Variants in SPATA17 observed in about 807,000 individuals in gnomAD.
SPATA17 encodes spermatogenesis associated 17.
In SPATA17, 53 loss-of-function variants were observed where a neutral mutation model predicts 62.2. The ratio of observed to expected loss-of-function variants is 0.85; its 90% CI spans 0.68 to 1.07. SPATA17 has a LOEUF of 1.07. Ranked by LOEUF, SPATA17 falls within the 50% of genes least tolerant of loss-of-function variation. SPATA17 has a pLI of 0.00. For synonymous variants in SPATA17, 146 were observed against 146.8 expected (o/e 0.99, Z 0.04); for missense variants, 466 against 425.5 (o/e 1.10, Z -0.84).
chr1:217,843,908 T>G (rs1263679270), intron 9 of SPATA17, among the ~76,000 whole-genome samples: 2 of 152,152 alleles, frequency 1.3e-5, no homozygotes, highest in Non-Finnish European at 2.9e-5. Context: ...ACACTGTGTA[T>G]AGCACTGTGA....
intron 5 of SPATA17, among the ~76,000 whole-genome samples, chr1:217,732,659 A>T (rs1672426407): frequency 6.6e-6 from 1 of 152,140 alleles, no homozygotes. Flanking sequence ...GCTGTGTCTC[A>T]AAGTCACAAT....
intron 9 of SPATA17, among the ~76,000 whole-genome samples, chr1:217,804,677 A>G (rs1214563453): frequency 6.6e-6 from 1 of 152,226 alleles, no homozygotes; most frequent in Non-Finnish European, 1.5e-5. Flanking sequence ...TAAGGAACTC[A>G]TACAACTCAA....
chr1:217,679,283 A>G (rs1201130793), intron 4 of SPATA17, among the ~76,000 whole-genome samples: 2 of 152,166 alleles, frequency 1.3e-5, no homozygotes, highest in Non-Finnish European at 2.9e-5. Flanking sequence ...CTGGGTTTGT[A>G]TCCTGACTTT....
At chr1:217,641,260 T>C (rs1403730005) in intron 1 of SPATA17, among the ~76,000 whole-genome samples, 1 of 152,068 alleles carries the variant, frequency 6.6e-6, no homozygotes, top group Admixed American at 6.6e-5. Flanking sequence ...CAAATGAGAT[T>C]AACAAGACAA....
chr1:217,666,266 A>G (rs1485107248), intron 3 of SPATA17, among the ~76,000 whole-genome samples: 1 of 152,166 alleles, frequency 6.6e-6, no homozygotes, highest in Non-Finnish European at 1.5e-5. Context: ...CCGTAGGTAC[A>G]ATATGCTTTC....
chr1:217,737,453 C>A (rs1404068863), intron 5 of SPATA17, among the ~76,000 whole-genome samples: 1 of 152,112 alleles, frequency 6.6e-6, no homozygotes. Flanking sequence ...GGAGCAACAT[C>A]TTTAAGGGAA....
At chr1:217,679,059 T>G (rs1671017249) in intron 4 of SPATA17, among the ~76,000 whole-genome samples, 2 of 152,174 alleles carry the variant, frequency 1.3e-5, no homozygotes, top group South Asian at 4.1e-4. Context: ...AGGCAAAATT[T>G]AAGACGTCAT....
chr1:217,845,309 A>G (rs1166088680), intron 9 of SPATA17, among the ~76,000 whole-genome samples: 1 of 151,920 alleles, frequency 6.6e-6, no homozygotes, highest in African/African-American at 2.4e-5. Context: ...TGCATTCACT[A>G]TTTGCCAACA....
At chr1:217,714,721 A>G (rs937956081) in intron 5 of SPATA17, among the ~76,000 whole-genome samples, 1 of 151,888 alleles carries the variant, frequency 6.6e-6, no homozygotes, top group Non-Finnish European at 1.5e-5. Context: ...TCCTGACCTC[A>G]TGATCCGCCC....
At chr1:217,848,485 A>T (rs1253842587) in intron 9 of SPATA17, among the ~76,000 whole-genome samples, 1 of 152,098 alleles carries the variant, frequency 6.6e-6, no homozygotes, top group Non-Finnish European at 1.5e-5. Context: ...TAAATGTTCC[A>T]TGATGATGTT....
intron 5 of SPATA17, among the ~76,000 whole-genome samples, chr1:217,733,559 G>T (rs1672445167): frequency 6.6e-6 from 1 of 152,012 alleles, no homozygotes; most frequent in African/African-American, 2.4e-5. Flanking sequence ...TAAATTATCA[G>T]CTATTTTGTT....
chr1:217,763,885 G>A (rs1468528311), intron 6 of SPATA17, among the ~76,000 whole-genome samples: 3 of 152,108 alleles, frequency 2.0e-5, no homozygotes, highest in African/African-American at 7.2e-5. Context: ...GGAGCTGGTG[G>A]TGCCATTTAC....
chr1:217,686,668 A>G (rs1251052844), intron 5 of SPATA17, among the ~76,000 whole-genome samples: 1 of 152,248 alleles, frequency 6.6e-6, no homozygotes, highest in Non-Finnish European at 1.5e-5. Flanking sequence ...AAAAGAAACT[A>G]AATAAAAAGT....
At chr1:217,660,788 T>C (rs148994393) in intron 3 of SPATA17, among the ~76,000 whole-genome samples, 33 of 152,324 alleles carry the variant, frequency 2.2e-4, no homozygotes, top group African/African-American at 6.7e-4. Context: ...GAGTAAGAAA[T>C]AAACTTTTGT....
intron 9 of SPATA17, among the ~76,000 whole-genome samples, chr1:217,813,769 T>G (rs72728888): frequency 0.072 from 11,013 of 151,998 alleles, 450 homozygotes; most frequent in East Asian, 0.14. Flanking sequence ...AAGTATAAAT[T>G]TACATGAATT....
intron 6 of SPATA17, among the ~76,000 whole-genome samples, chr1:217,743,676 C>T (rs952679249): frequency 6.6e-6 from 1 of 151,890 alleles, no homozygotes; most frequent in South Asian, 2.1e-4. Flanking sequence ...GTGGCGTGAT[C>T]TTGGCTCACT....
chr1:217,861,971 G>A (rs1427351354), intron 9 of SPATA17, among the ~76,000 whole-genome samples: 1 of 151,596 alleles, frequency 6.6e-6, no homozygotes, highest in Non-Finnish European at 1.5e-5. Context: ...ATGTCCACAT[G>A]TTCTTTAATA....
At chr1:217,732,408 A>C (rs1672421289) in intron 5 of SPATA17, among the ~76,000 whole-genome samples, 2 of 152,190 alleles carry the variant, frequency 1.3e-5, no homozygotes, top group Admixed American at 1.3e-4. Context: ...TTTGCTTTAA[A>C]GTGAGGTTAA....
intron 6 of SPATA17, among the ~76,000 whole-genome samples, chr1:217,746,386 G>A (rs1479789844): frequency 6.6e-6 from 1 of 151,736 alleles, no homozygotes; most frequent in African/African-American, 2.4e-5. Flanking sequence ...GATTAGGAAT[G>A]ATGTTAGTAT....
Sources: allele counts gnomAD v4.1 joint callset (sites outside exome capture counted in the v4.1 genomes callset), GRCh38; gene constraint gnomAD v4.1.1; transcripts MANE v1.5; gene names NCBI Gene and HGNC (gene_info 2026-07-23, HGNC 2026-07-21).